Variants in PDE1C observed in about 807,000 individuals in gnomAD.
The protein encoded by PDE1C is dual specificity calcium/calmodulin-dependent 3',5'-cyclic nucleotide phosphodiesterase 1C.
A neutral mutation model predicts 93.1 loss-of-function variants in PDE1C; 62 were observed. The ratio of observed to expected loss-of-function variants is 0.67; its 90% CI spans 0.54 to 0.82. The LOEUF (loss-of-function observed/expected upper bound fraction) is 0.82. Ranked by LOEUF, PDE1C falls within the 40% of genes least tolerant of loss-of-function variation. The pLI is 0.00. For synonymous variants in PDE1C, 325 were observed against 310.1 expected (o/e 1.05, Z -0.50); for missense variants, 742 against 884.6 (o/e 0.84, Z 2.04).
At chr7:31,898,525 T>C (rs2128914913) in intron 2 of PDE1C, among the ~76,000 whole-genome samples, 1 of 152,320 alleles carries the variant, frequency 6.6e-6, no homozygotes, top group South Asian at 2.1e-4. Context: ...AAATCCACTA[T>C]TGCAGGACAT....
chr7:32,253,588 T>C (rs953579047), intron 1 of PDE1C, among the ~76,000 whole-genome samples: 4 of 152,182 alleles, frequency 2.6e-5, no homozygotes, highest in African/African-American at 4.8e-5. Flanking sequence ...TAGGAGACAA[T>C]TGAGTTTATG....
At chr7:32,147,053 GA>G (rs1406921580) in intron 3 of PDE1C, among the ~76,000 whole-genome samples, 5 of 151,684 alleles carry the variant, frequency 3.3e-5, no homozygotes, top group Non-Finnish European at 5.9e-5. Flanking sequence ...TCCCCACCAA[GA>G]AGTCATCGCT....
the PDE1C span, among the ~76,000 whole-genome samples, chr7:31,738,277 C>G: frequency 6.6e-6 from 1 of 152,108 alleles, no homozygotes; most frequent in South Asian, 2.1e-4. Flanking sequence ...TGGGTAATTA[C>G]AAAGGAAAGA....
rs71727115 is a variant in PDE1C, at chr7:31,766,383, CA to C, written c.1960+9280del. Among the ~76,000 whole-genome samples the C allele has an allele frequency of 7.0e-4, 98 of 139,586 alleles. 1 individual carries two copies. Among genetic ancestry groups the C allele is most frequent in the Middle Eastern group, 3.9e-3 (1 of 256 alleles). The allele number at this position is 139,586 out of a possible 152,430, so 91.6% of individuals were successfully genotyped here. On this transcript the variant is annotated intron_variant, in intron 17 of 17. Coordinates refer to ENST00000396191, the MANE Select transcript of PDE1C (RefSeq NM_001191057.4). ...TGGGCGACAGAGCAAGACTGTGTCT[CA>C]AAAAAAAAAAAATCTTTAATATAAA...
intron 2 of PDE1C, among the ~76,000 whole-genome samples, chr7:31,931,550 C>A (rs1340179136): frequency 6.6e-6 from 1 of 152,148 alleles, no homozygotes. Flanking sequence ...AGGACCTCTT[C>A]AAGGAGAACT....
intron 1 of PDE1C, among the ~76,000 whole-genome samples, chr7:32,383,224 A>C (rs1484252641): frequency 2.6e-5 from 4 of 152,228 alleles, no homozygotes; most frequent in East Asian, 3.8e-4. Context: ...CATTACATGC[A>C]CTGTACGAGT....
At chr7:32,027,239 A>T (rs1789558964) in intron 2 of PDE1C, among the ~76,000 whole-genome samples, 1 of 152,130 alleles carries the variant, frequency 6.6e-6, no homozygotes, top group African/African-American at 2.4e-5. Context: ...CGATGCTGAC[A>T]GTGGGGGAAG....
intron 2 of PDE1C, among the ~76,000 whole-genome samples, chr7:31,940,853 C>T (rs939365948): frequency 2.0e-5 from 3 of 152,096 alleles, no homozygotes; most frequent in African/African-American, 4.8e-5. Context: ...CCTCCACACA[C>T]ACAGACCCTT....
intron 16 of PDE1C, among the ~76,000 whole-genome samples, chr7:31,799,199 A>G (rs1284797872): frequency 6.6e-6 from 1 of 151,674 alleles, no homozygotes; most frequent in Non-Finnish European, 1.5e-5. Flanking sequence ...AATCTCTAGT[A>G]AAGACATACA....
At chr7:31,820,867 A>G (rs1352139321) in intron 14 of PDE1C, 1 of 151,952 alleles carries the variant, frequency 6.6e-6, no homozygotes, top group Non-Finnish European at 1.5e-5. Flanking sequence ...CTACTTAGGT[A>G]CCAACCTTGT....
At chr7:31,790,474 A>T (rs964018761) in intron 16 of PDE1C, among the ~76,000 whole-genome samples, 2 of 152,278 alleles carry the variant, frequency 1.3e-5, no homozygotes, top group East Asian at 1.9e-4. Flanking sequence ...ATATCAGTAC[A>T]TTTGAAATCT....
intron 1 of PDE1C, among the ~76,000 whole-genome samples, chr7:32,315,178 A>T (rs1453255067): frequency 6.6e-6 from 1 of 151,790 alleles, no homozygotes; most frequent in Non-Finnish European, 1.5e-5. Flanking sequence ...AAAGAAAGAC[A>T]GGAAGGTGAG....
chr7:32,064,075 A>G (rs1254213109), intron 1 of PDE1C, among the ~76,000 whole-genome samples: 1 of 152,202 alleles, frequency 6.6e-6, no homozygotes, highest in African/African-American at 2.4e-5. Flanking sequence ...TCTGGGGGAA[A>G]CAAACAACAA....
chr7:31,969,989 T>C (rs1332620611), intron 2 of PDE1C, among the ~76,000 whole-genome samples: 1 of 151,866 alleles, frequency 6.6e-6, no homozygotes, highest in Non-Finnish European at 1.5e-5. Context: ...CTGGGGACTG[T>C]TGTGGGGTTG....
intron 1 of PDE1C, among the ~76,000 whole-genome samples, chr7:32,054,994 G>T (rs1366492441): frequency 6.6e-6 from 1 of 152,108 alleles, no homozygotes; most frequent in Non-Finnish European, 1.5e-5. Flanking sequence ...CACTCCTTCT[G>T]TGTGTCCCAT....
chr7:32,194,453 T>G lies in PDE1C; in HGVS notation c.136+15036A>C, dbSNP rs191898847. 8.2e-4 allele frequency among the ~76,000 whole-genome samples: 125 copies of G among 152,362 alleles called. 1 individual carries two copies. The highest frequency in any genetic ancestry group is 2.9e-3 in the African/African-American group (120 of 41,588). On this transcript the variant is annotated intron_variant, in intron 2 of 18. Transcript: ENST00000396193. ...TTCTCATTTTAGGTCTAACAGATTC[T>G]ACTTTACATATTTTCCAACTGTATT...
At chr7:31,670,445 C>T in the PDE1C span, among the ~76,000 whole-genome samples, 814 of 152,286 alleles carry the variant, frequency 5.3e-3, 10 homozygotes, top group African/African-American at 0.019. Flanking sequence ...CTGCTCCTGT[C>T]TCAGTGCGAT....
intron 1 of PDE1C, among the ~76,000 whole-genome samples, chr7:32,389,217 T>TGTTC (rs924997877): frequency 6.7e-6 from 1 of 148,730 alleles, no homozygotes; most frequent in Non-Finnish European, 1.5e-5. Context: ...TTTGTTTGTT[T>TGTTC]GTTTGTTTGT....
chr7:32,171,401 T>C (rs1041594169), intron 2 of PDE1C, among the ~76,000 whole-genome samples: 1 of 151,252 alleles, frequency 6.6e-6, no homozygotes, highest in African/African-American at 2.4e-5. Context: ...AAGGAAAATA[T>C]TCAGAAAAAA....
Sources: allele counts gnomAD v4.1 joint callset (sites outside exome capture counted in the v4.1 genomes callset), GRCh38; gene constraint gnomAD v4.1.1; transcripts MANE v1.5; gene names NCBI Gene and HGNC (gene_info 2026-07-23, HGNC 2026-07-21).